Variants in KIRREL3 observed in about 807,000 individuals in gnomAD.
The protein encoded by KIRREL3 is kin of IRRE-like protein 3.
In KIRREL3, 36 loss-of-function variants were observed where a neutral mutation model predicts 89.7. That is an observed-to-expected ratio of 0.40 (90% confidence interval 0.31 to 0.53). The LOEUF (loss-of-function observed/expected upper bound fraction) is 0.53. Ranked by LOEUF, KIRREL3 falls within the 20% of genes least tolerant of loss-of-function variation. KIRREL3 has a pLI of 0.49. For missense variants in KIRREL3, 864 were observed against 1,056.6 expected (o/e 0.82, Z 2.53); for synonymous variants, 445 against 441.4 (o/e 1.01, Z -0.10).
In KIRREL3 at chr11:126,908,736, G is replaced by T. The variant is rs1245343866; in HGVS notation, c.55+91719C>A. Among the ~76,000 whole-genome samples, 1 of 152,124 alleles carries T rather than the reference G, an allele frequency of 6.6e-6. No homozygotes were observed. Among genetic ancestry groups the T allele is most frequent in the Non-Finnish European group, 1.5e-5 (1 of 68,012 alleles). ...CAGTAGATTAAATATAATAGTTTCT[G>T]CTTTTATGGGGCCTATAGTCTAGGT... On this transcript the variant is annotated intron_variant, in intron 1 of 16. Coordinates refer to ENST00000525144, the MANE Select transcript of KIRREL3 (RefSeq NM_032531.4). The surrounding 1 kb of genome is among the most constrained non-coding windows in gnomAD (Gnocchi z 4.2).
rs2134692909 is a variant in KIRREL3 at position 126,876,834 on chromosome 11, C to T, written c.55+123621G>A. ...ACAGGCGTGAGCCACCGTGCCTGGC[C>T]ATAAATATGTTTTTAATGAATACAA... On this transcript the variant is annotated intron_variant, in intron 1 of 16. Transcript: ENST00000525144. The surrounding 1 kb of genome is among the most constrained non-coding windows in gnomAD (Gnocchi z 4.1). 6.6e-6 allele frequency among the ~76,000 whole-genome samples: 1 copy of T among 152,184 alleles called. No homozygotes were observed. Among genetic ancestry groups the T allele is most frequent in the South Asian group, 2.1e-4 (1 of 4,820 alleles).
At position 126,588,428 on chromosome 11, in the gene KIRREL3, G is replaced by A. The variant is rs114495920; in HGVS notation, c.56-25516C>T. Among the ~76,000 whole-genome samples, 742 of 152,292 alleles carry A rather than the reference G, an allele frequency of 4.9e-3. 8 individuals carry two copies. Among genetic ancestry groups the A allele is most frequent in the African/African-American group, 0.017 (716 of 41,544 alleles). ...GTTACCTGGGAGGGCTATGCTGGCT[G>A]ATAGGGGTGGGAATAGGAATTGGGG... On this transcript the variant is annotated intron_variant, in intron 1 of 16. Transcript: ENST00000525144.
chr11:126,938,742 G>A (rs1201393108), intron 1 of KIRREL3, among the ~76,000 whole-genome samples: 6 of 152,134 alleles, frequency 3.9e-5, no homozygotes, highest in African/African-American at 1.4e-4. Context: ...TCTTTTCACT[G>A]TTTACAACCA....
In KIRREL3 at chr11:126,523,373, A is replaced by T. The variant is rs1445972261; in HGVS notation, c.284-1909T>A. Among the ~76,000 whole-genome samples, 1 of 152,160 alleles carries T rather than the reference A, an allele frequency of 6.6e-6. No individual in the cohort carries two copies. Among genetic ancestry groups the T allele is most frequent in the Non-Finnish European group, 1.5e-5 (1 of 68,016 alleles). Reference sequence around the variant, plus strand: ...CTGGGGGTGGGCTGTACAACGGGCCACCAGCACTTGTTCCTGGTCAGGCGA... The same window carrying T: ...CTGGGGGTGGGCTGTACAACGGGCCTCCAGCACTTGTTCCTGGTCAGGCGA... On this transcript the variant is annotated intron_variant, in intron 3 of 16. Transcript: ENST00000525144. This position sits in a 1 kb window ranked among gnomAD's most constrained non-coding sequence, Gnocchi z 4.9.
chr11:126,980,559 G>A (rs200000839), intron 1 of KIRREL3, among the ~76,000 whole-genome samples: 1 of 152,166 alleles, frequency 6.6e-6, no homozygotes, highest in Non-Finnish European at 1.5e-5. Flanking sequence ...AACTTGATAG[G>A]GTGCTATAAT....
At chr11:126,886,254 T>A (rs1945691529) in intron 1 of KIRREL3, among the ~76,000 whole-genome samples, 1 of 152,166 alleles carries the variant, frequency 6.6e-6, no homozygotes, top group African/African-American at 2.4e-5. Context: ...TAAGTATAGC[T>A]CCCTGCATGA....
intron 1 of KIRREL3, among the ~76,000 whole-genome samples, chr11:126,727,543 T>TACCCTGC (rs747367752): frequency 3.3e-5 from 5 of 152,198 alleles, no homozygotes; most frequent in Non-Finnish European, 7.3e-5. Context: ...GCAGCAGCTG[T>TACCCTGC]ACCCTGCACC....
rs559032621 is a variant in KIRREL3 at position 126,683,889 on chromosome 11, C to T, written c.56-120977G>A. 6.6e-4 allele frequency among the ~76,000 whole-genome samples: 100 copies of T among 152,344 alleles called. No homozygotes were observed. Among genetic ancestry groups the T allele is most frequent in the Middle Eastern group, 6.8e-3 (2 of 294 alleles). ...GTGGGTCCACCTACCGTCCATCTAC[C>T]GGGGTCACTGAGTCACTCCTGCCCA... On this transcript the variant is annotated intron_variant, in intron 1 of 16. Transcript: ENST00000525144. This position sits in a 1 kb window ranked among gnomAD's most constrained non-coding sequence, Gnocchi z 5.2.
rs569462252 is a variant in KIRREL3, at chr11:126,734,915, C to T, written c.56-172003G>A. Among the ~76,000 whole-genome samples, 11 of 152,208 alleles carry T rather than the reference C, an allele frequency of 7.2e-5. No individual in the cohort carries two copies. Among genetic ancestry groups the T allele is most frequent in the East Asian group, 3.9e-4 (2 of 5,156 alleles). On this transcript the variant is annotated intron_variant, in intron 1 of 16. Coordinates refer to ENST00000525144, the MANE Select transcript of KIRREL3 (RefSeq NM_032531.4). This position sits in a 1 kb window ranked among gnomAD's most constrained non-coding sequence, Gnocchi z 5.9. ...GGCAGGATGGGGTTTGTGGTTGGAA[C>T]GGTGCTGTCTTCTGGTCCAGCTGTG...
intron 1 of KIRREL3, among the ~76,000 whole-genome samples, chr11:126,929,961 C>A (rs560763563): frequency 4.1e-5 from 6 of 147,882 alleles, no homozygotes; most frequent in South Asian, 2.1e-4. Flanking sequence ...CCCCCCCCCC[C>A]ACCTCACCGA....
chr11:126,695,707 G>A (rs990846612), intron 1 of KIRREL3, among the ~76,000 whole-genome samples: 1 of 152,162 alleles, frequency 6.6e-6, no homozygotes, highest in Non-Finnish European at 1.5e-5. Flanking sequence ...TGTCTTGGGG[G>A]CTCTGCTGCA....
chr11:126,539,649 G>C (rs1240618359), intron 2 of KIRREL3, among the ~76,000 whole-genome samples: 1 of 152,206 alleles, frequency 6.6e-6, no homozygotes, highest in Non-Finnish European at 1.5e-5. Flanking sequence ...GCCATTTGCT[G>C]CTCAGGAGGA....
In KIRREL3 at chr11:126,641,059, C is replaced by T. The variant is rs1045117872; in HGVS notation, c.56-78147G>A. Among the ~76,000 whole-genome samples the T allele has an allele frequency of 6.6e-6, 1 of 152,106 alleles. No homozygotes were observed. Among genetic ancestry groups the T allele is most frequent in the African/African-American group, 2.4e-5 (1 of 41,406 alleles). On this transcript the variant is annotated intron_variant, in intron 1 of 16. Coordinates refer to ENST00000525144, the MANE Select transcript of KIRREL3 (RefSeq NM_032531.4). This position sits in a 1 kb window ranked among gnomAD's most constrained non-coding sequence, Gnocchi z 5.0. ...TCCGAAAAGAACTCCTGGTCTTCTCCCACAGGCCTGCCCCTCTCACGGTCT... is the reference window on the plus strand; with the variant it reads ...TCCGAAAAGAACTCCTGGTCTTCTCTCACAGGCCTGCCCCTCTCACGGTCT...
In KIRREL3 at chr11:126,555,484, C is replaced by A. The variant is rs1346689584; in HGVS notation, c.133+7351G>T. Among the ~76,000 whole-genome samples the A allele has an allele frequency of 6.6e-6, 1 of 152,134 alleles. No individual in the cohort carries two copies. The highest frequency in any genetic ancestry group is 1.5e-5 in the Non-Finnish European group (1 of 68,026). On this transcript the variant is annotated intron_variant, in intron 2 of 16. Transcript: ENST00000525144. This position sits in a 1 kb window ranked among gnomAD's most constrained non-coding sequence, Gnocchi z 4.2. Reference sequence around the variant, plus strand: ...GAGGGATGGGTCAGTGGAGGCATCACTGGAGCAGAGACTTGAGCTGTGATT... The same window carrying A: ...GAGGGATGGGTCAGTGGAGGCATCAATGGAGCAGAGACTTGAGCTGTGATT...
At position 126,705,219 on chromosome 11, in the gene KIRREL3, T is replaced by C. The variant is rs1227159855; in HGVS notation, c.56-142307A>G. Among the ~76,000 whole-genome samples, 1 of 152,226 alleles carries C rather than the reference T, an allele frequency of 6.6e-6. No homozygotes were observed. The highest frequency in any genetic ancestry group is 1.9e-4 in the East Asian group (1 of 5,202). On this transcript the variant is annotated intron_variant, in intron 1 of 16. Coordinates refer to ENST00000525144, the MANE Select transcript of KIRREL3 (RefSeq NM_032531.4). This position sits in a 1 kb window ranked among gnomAD's most constrained non-coding sequence, Gnocchi z 4.3. ...TTTGCATCATTCTGCAAATTTTATATATGTCTTTGTGATATGGTTTGGAGG... is the reference window on the plus strand; with the variant it reads ...TTTGCATCATTCTGCAAATTTTATACATGTCTTTGTGATATGGTTTGGAGG...
Position 126,843,570 on chromosome 11 carries a change from G to A in KIRREL3, c.55+156885C>T, listed in dbSNP as rs998258012. 8.5e-5 allele frequency among the ~76,000 whole-genome samples: 13 copies of A among 152,286 alleles called. No homozygotes were observed. The highest frequency in any genetic ancestry group is 1.8e-4 in the Non-Finnish European group (12 of 68,014). On this transcript the variant is annotated intron_variant, in intron 1 of 16. Coordinates refer to ENST00000525144, the MANE Select transcript of KIRREL3 (RefSeq NM_032531.4). This position sits in a 1 kb window ranked among gnomAD's most constrained non-coding sequence, Gnocchi z 4.6. ...CTAAGCGATAACTGGAGTCCCGACG[G>A]CTAGTGAGTGGGACCGTCAGAGGTG...
Position 126,463,598 on chromosome 11 carries a change from G to T in KIRREL3, c.592-291C>A, listed in dbSNP as rs1051640724. Among the ~76,000 whole-genome samples, 5 of 152,202 alleles carry T rather than the reference G, an allele frequency of 3.3e-5. No individual in the cohort carries two copies. Among genetic ancestry groups the T allele is most frequent in the African/African-American group, 1.2e-4 (5 of 41,464 alleles). On this transcript the variant is annotated intron_variant, in intron 5 of 16. Transcript: ENST00000525144. This position sits in a 1 kb window ranked among gnomAD's most constrained non-coding sequence, Gnocchi z 5.9. ...TAAAAGCACAAAAGAAAGCAGGATG[G>T]GTTTCATGGAAACCAGGCTTCAGGG...
intron 15 of KIRREL3, among the ~76,000 whole-genome samples, chr11:126,426,277 C>T (rs917402506): frequency 7.2e-5 from 11 of 152,166 alleles, no homozygotes; most frequent in Non-Finnish European, 1.5e-4. Context: ...GAGATGCTGG[C>T]GACATGGGCC....
Position 126,808,324 on chromosome 11 carries a change from T to C in KIRREL3, c.55+192131A>G, listed in dbSNP as rs941663283. Among the ~76,000 whole-genome samples, 1 of 152,186 alleles carries C rather than the reference T, an allele frequency of 6.6e-6. No homozygotes were observed. The highest frequency in any genetic ancestry group is 2.4e-5 in the African/African-American group (1 of 41,450). On this transcript the variant is annotated intron_variant, in intron 1 of 16. Transcript: ENST00000525144. The surrounding 1 kb of genome is among the most constrained non-coding windows in gnomAD (Gnocchi z 4.1). Reference sequence around the variant, plus strand: ...GCTCCATGACCTGTTTTTGGCAAGCTACAATGGGGGTGCAGCTTTCAAGGA... The same window carrying C: ...GCTCCATGACCTGTTTTTGGCAAGCCACAATGGGGGTGCAGCTTTCAAGGA...
Sources: allele counts gnomAD v4.1 joint callset (sites outside exome capture counted in the v4.1 genomes callset), GRCh38; gene constraint gnomAD v4.1.1; non-coding constraint Gnocchi (gnomAD v3.1); transcripts MANE v1.5; gene names NCBI Gene and HGNC (gene_info 2026-07-23, HGNC 2026-07-21).